KCNQ3: variants seen among roughly 807,000 people sequenced by gnomAD.
The protein encoded by KCNQ3 is potassium voltage-gated channel subfamily KQT member 3.
KCNQ3 carries 30 observed loss-of-function variants against 92.5 expected under a neutral mutation model. The ratio of observed to expected loss-of-function variants is 0.32; its 90% CI spans 0.24 to 0.44. The LOEUF (loss-of-function observed/expected upper bound fraction) is 0.44, where lower values mean the gene tolerates loss of function less well. Ranked by LOEUF, KCNQ3 falls within the 20% of genes least tolerant of loss-of-function variation. The pLI, the probability that KCNQ3 is intolerant of heterozygous loss-of-function variation, is 1.00. For synonymous variants in KCNQ3, 450 were observed against 468.8 expected (o/e 0.96, Z 0.52); for missense variants, 913 against 1,140.3 (o/e 0.80, Z 2.87).
intron 1 of KCNQ3, among the ~76,000 whole-genome samples, chr8:132,471,856 T>C (rs556046714): frequency 5.3e-5 from 8 of 152,010 alleles, no homozygotes; most frequent in South Asian, 2.1e-4. Flanking sequence ...GGAGAAAAAA[T>C]TGAAAACTAT....
chr8:132,187,814 TGGTGGTGGTGGTGGTG>T lies in KCNQ3; in HGVS notation c.387-1649_387-1634del, dbSNP rs1563795668. 1.1e-3 allele frequency among the ~76,000 whole-genome samples: 153 copies of T among 144,736 alleles called. 2 individuals carry two copies. The highest frequency in any genetic ancestry group is 3.9e-3 in the African/African-American group (144 of 37,366). The allele number at this position is 144,736 out of a possible 152,430, so 95.0% of individuals were successfully genotyped here. ...GCGGTGGTGGTGATAGTGATGGTGGTGGTGGTGGTGGTGGTGATTGTGGTGGTGGTGGTGGTAGTGA... is the reference window on the plus strand; with the variant it reads ...GCGGTGGTGGTGATAGTGATGGTGGTATTGTGGTGGTGGTGGTGGTAGTGA... On this transcript the variant is annotated intron_variant, in intron 1 of 14. Transcript: ENST00000388996.
intron 1 of KCNQ3, among the ~76,000 whole-genome samples, chr8:132,334,145 T>C (rs1019805999): frequency 6.6e-6 from 1 of 152,170 alleles, no homozygotes; most frequent in Non-Finnish European, 1.5e-5. Context: ...TCCCATATTG[T>C]TGGGCATTTA....
chr8:132,196,811 T>C (rs1254884161), intron 1 of KCNQ3, among the ~76,000 whole-genome samples: 1 of 152,208 alleles, frequency 6.6e-6, no homozygotes, highest in Non-Finnish European at 1.5e-5. Flanking sequence ...ATAGACTTGA[T>C]TTCAGACCTC....
intron 1 of KCNQ3, among the ~76,000 whole-genome samples, chr8:132,453,235 T>C (rs1027732802): frequency 6.6e-6 from 1 of 152,144 alleles, no homozygotes; most frequent in Non-Finnish European, 1.5e-5. Flanking sequence ...TGGGGCCTGT[T>C]GGCCTCGGTG....
chr8:132,390,481 A>G (rs535638331), intron 1 of KCNQ3, among the ~76,000 whole-genome samples: 2 of 152,328 alleles, frequency 1.3e-5, no homozygotes, highest in African/African-American at 4.8e-5. Flanking sequence ...AAGCAACCCA[A>G]CAAAAACATT....
At chr8:132,327,628 A>G (rs1443970120) in intron 1 of KCNQ3, among the ~76,000 whole-genome samples, 1 of 152,132 alleles carries the variant, frequency 6.6e-6, no homozygotes, top group Non-Finnish European at 1.5e-5. Context: ...CTGCTGTCCC[A>G]CAACTGAGCA....
At chr8:132,168,765 GTGTGTGTGTGTGTGTT>G (rs1404035214) in intron 8 of KCNQ3, among the ~76,000 whole-genome samples, 2 of 116,724 alleles carry the variant, frequency 1.7e-5, no homozygotes, top group South Asian at 3.1e-4. Flanking sequence ...GTGTGTGTGT[GTGTGTGTGTGTGTGTT>G]TGCAGAGGAG....
chr8:132,364,694 C>T (rs13257997), intron 1 of KCNQ3, among the ~76,000 whole-genome samples: 58,464 of 137,342 alleles, frequency 0.43, 12,994 homozygotes, highest in African/African-American at 0.63. Context: ...GACGGACGGA[C>T]GGATGGATGG....
intron 1 of KCNQ3, among the ~76,000 whole-genome samples, chr8:132,455,039 TGTAGTGAGTACA>T (rs1821908490): frequency 6.6e-6 from 1 of 152,210 alleles, no homozygotes; most frequent in Admixed American, 6.5e-5. Context: ...TGAGTTACTG[TGTAGTGAGTACA>T]AAGTTTTAGT....
intron 1 of KCNQ3, among the ~76,000 whole-genome samples, chr8:132,265,702 C>T (rs925319469): frequency 7.2e-5 from 11 of 152,230 alleles, no homozygotes; most frequent in African/African-American, 2.7e-4. Flanking sequence ...CACATCAAGG[C>T]TGGCCCCTGT....
At chr8:132,218,209 T>C (rs997640460) in intron 1 of KCNQ3, among the ~76,000 whole-genome samples, 1 of 152,096 alleles carries the variant, frequency 6.6e-6, no homozygotes, top group Admixed American at 6.5e-5. Flanking sequence ...GGGGAGGACA[T>C]AAAGTAGAAA....
intron 1 of KCNQ3, among the ~76,000 whole-genome samples, chr8:132,248,271 A>G (rs1322025218): frequency 6.6e-6 from 1 of 151,984 alleles, no homozygotes; most frequent in Non-Finnish European, 1.5e-5. Context: ...TCATCAGAAA[A>G]GAATCCAGAA....
chr8:132,388,608 A>G (rs1178804783), intron 1 of KCNQ3, among the ~76,000 whole-genome samples: 2 of 152,188 alleles, frequency 1.3e-5, no homozygotes, highest in African/African-American at 4.8e-5. Context: ...GTATATTACA[A>G]AAAGAAAAAA....
intron 1 of KCNQ3, among the ~76,000 whole-genome samples, chr8:132,400,030 G>A (rs2673603): frequency 0.57 from 86,932 of 152,010 alleles, 26,197 homozygotes; most frequent in South Asian, 0.72. Flanking sequence ...GCAGGAGAAC[G>A]TAACCTGGCC....
intron 1 of KCNQ3, among the ~76,000 whole-genome samples, chr8:132,322,096 C>T (rs1025240729): frequency 2.0e-5 from 3 of 152,052 alleles, no homozygotes; most frequent in Non-Finnish European, 2.9e-5. Flanking sequence ...AGAGATAAGA[C>T]GGTTAAGTCA....
intron 1 of KCNQ3, among the ~76,000 whole-genome samples, chr8:132,425,113 T>A (rs1821074522): frequency 6.6e-6 from 1 of 152,164 alleles, no homozygotes; most frequent in African/African-American, 2.4e-5. Context: ...CAGATCAAAG[T>A]TACATCAGCC....
At chr8:132,179,350 G>A (rs1826675265) in intron 4 of KCNQ3, among the ~76,000 whole-genome samples, 2 of 151,912 alleles carry the variant, frequency 1.3e-5, no homozygotes, top group African/African-American at 2.4e-5. Flanking sequence ...TGGGGGAGGT[G>A]AGCACCACCA....
chr8:132,387,253 A>G (rs1011654154), intron 1 of KCNQ3, among the ~76,000 whole-genome samples: 1 of 152,248 alleles, frequency 6.6e-6, no homozygotes, highest in African/African-American at 2.4e-5. Context: ...AGATAGCCCA[A>G]CATTAGAAAA....
chr8:132,246,690 T>G (rs1815191204), intron 1 of KCNQ3, among the ~76,000 whole-genome samples: 1 of 152,214 alleles, frequency 6.6e-6, no homozygotes, highest in Admixed American at 6.5e-5. Context: ...ACTTCAGGGT[T>G]GAGACAGCAC....
Sources: allele counts gnomAD v4.1 joint callset (sites outside exome capture counted in the v4.1 genomes callset), GRCh38; gene constraint gnomAD v4.1.1; transcripts MANE v1.5; gene names NCBI Gene and HGNC (gene_info 2026-07-23, HGNC 2026-07-21).